The following SYBU variants were observed in gnomAD, a reference collection of about 807,000 sequenced individuals.
SYBU encodes GOLSYN A protein.
SYBU carries 21 observed loss-of-function variants against 35.9 expected under a neutral mutation model. That is an observed-to-expected ratio of 0.58 (90% CI 0.41 to 0.84). SYBU has a LOEUF of 0.84. Among genes scored for constraint, SYBU ranks in the 40% least tolerant of loss-of-function variants. The pLI, the probability that SYBU is intolerant of heterozygous loss-of-function variation, is 0.00. For missense variants in SYBU, 768 were observed against 848.2 expected (o/e 0.91, Z 1.17); for synonymous variants, 319 against 324.3 (o/e 0.98, Z 0.18).
At chr8:109,680,165 A>C (rs1817349528) in intron 1 of SYBU, 1 of 152,218 alleles carries the variant, frequency 6.6e-6, no homozygotes, top group Non-Finnish European at 1.5e-5. Context: ...ATGTTTCTAG[A>C]TCAAGAGCAT....
At chr8:109,688,779 A>G (rs1817578273) in intron 1 of SYBU, among the ~76,000 whole-genome samples, 1 of 151,918 alleles carries the variant, frequency 6.6e-6, no homozygotes, top group African/African-American at 2.4e-5. Context: ...GATAAAAAAA[A>G]AAAGAGAGAG....
At chr8:109,659,413 G>A (rs1390422040) in intron 1 of SYBU, among the ~76,000 whole-genome samples, 1 of 152,192 alleles carries the variant, frequency 6.6e-6, no homozygotes, top group Admixed American at 6.5e-5. Context: ...AAGTTCTCCA[G>A]TGTTGCAGGG....
chr8:109,602,354 T>C (rs1314725650), intron 3 of SYBU, among the ~76,000 whole-genome samples: 1 of 151,830 alleles, frequency 6.6e-6, no homozygotes, highest in East Asian at 1.9e-4. Flanking sequence ...CCTGAAGAAT[T>C]TGTGAAGAAT....
At chr8:109,661,742 A>C (rs1010071638) in intron 1 of SYBU, among the ~76,000 whole-genome samples, 1 of 152,202 alleles carries the variant, frequency 6.6e-6, no homozygotes, top group Non-Finnish European at 1.5e-5. Flanking sequence ...AAGGGTGTGC[A>C]CTCAACAGTT....
chr8:109,654,775 A>G (rs59892422), intron 1 of SYBU, among the ~76,000 whole-genome samples: 18,831 of 152,198 alleles, frequency 0.12, 3,278 homozygotes, highest in African/African-American at 0.39. Flanking sequence ...GTTGATAAAC[A>G]ATATCATCAT....
intron 2 of SYBU, among the ~76,000 whole-genome samples, chr8:109,632,055 T>C (rs936980501): frequency 2.0e-5 from 3 of 152,148 alleles, no homozygotes; most frequent in East Asian, 1.9e-4. Flanking sequence ...AAGATATTTC[T>C]TTTATTTTTT....
intron 4 of SYBU, chr8:109,581,091 T>C (rs1822978638): frequency 1.3e-5 from 2 of 152,266 alleles, no homozygotes; most frequent in African/African-American, 4.8e-5. Flanking sequence ...CCTAAAACTC[T>C]GTGCAAACTT....
Position 109,644,776 on chromosome 8 carries a change from T to G in SYBU, c.-117A>C. On this transcript the variant is annotated 5_prime_UTR_variant, in exon 1 of 7. Coordinates refer to ENST00000276646, the MANE Select transcript of SYBU (RefSeq NM_001099754.2). Reference sequence around the variant, plus strand: ...GGCGCGGGCTGCGGGCGGCGGCTCTTGGTGAGGCTCCAACGCGCCGCCGCC... The same window carrying G: ...GGCGCGGGCTGCGGGCGGCGGCTCTGGGTGAGGCTCCAACGCGCCGCCGCC... The G allele has an allele frequency of 9.5e-7, 1 of 1,055,934 alleles. No individual in the cohort carries two copies. Among genetic ancestry groups the G allele is most frequent in the Non-Finnish European group, 1.2e-6 (1 of 801,134 alleles). 65.4% of individuals were successfully genotyped at this position (1,055,934 alleles called of 1,614,324 possible). A position where few individuals can be genotyped will look rare whatever the true frequency, so the allele number is the denominator to read the frequency against.
chr8:109,658,360 GTGT>G (rs973814675), intron 1 of SYBU, among the ~76,000 whole-genome samples: 6 of 152,130 alleles, frequency 3.9e-5, no homozygotes, highest in South Asian at 2.1e-4. Flanking sequence ...GCTTTCTTTG[GTGT>G]TGTTAAAGTT....
At chr8:109,628,701 A>G (rs1352519771) in intron 2 of SYBU, among the ~76,000 whole-genome samples, 1 of 151,980 alleles carries the variant, frequency 6.6e-6, no homozygotes, top group Non-Finnish European at 1.5e-5. Context: ...TCATGTCTAT[A>G]GTCCCGGCTA....
At chr8:109,658,376 T>C (rs1418517993) in intron 1 of SYBU, among the ~76,000 whole-genome samples, 4 of 152,230 alleles carry the variant, frequency 2.6e-5, no homozygotes, top group African/African-American at 9.6e-5. Context: ...TTAAAGTTTC[T>C]TCTACAAACT....
At chr8:109,659,675 C>T (rs1322496276) in intron 1 of SYBU, among the ~76,000 whole-genome samples, 7 of 152,154 alleles carry the variant, frequency 4.6e-5, no homozygotes, top group Non-Finnish European at 7.4e-5. Context: ...AAGAACAATT[C>T]GGTTGTTCCC....
At chr8:109,686,371 T>C (rs1472354324) in intron 1 of SYBU, among the ~76,000 whole-genome samples, 1 of 152,182 alleles carries the variant, frequency 6.6e-6, no homozygotes, top group Non-Finnish European at 1.5e-5. Context: ...TAATATAAAG[T>C]TTACGCTTTC....
In SYBU at chr8:109,575,362, G is replaced by A. The variant is rs1177417093; in HGVS notation, c.1536C>T (p.Asp512=). 10 of 1,614,058 alleles carry A rather than the reference G, an allele frequency of 6.2e-6. No individual in the cohort carries two copies. The highest frequency in any genetic ancestry group is 8.5e-6 in the Non-Finnish European group (10 of 1,180,042). The part of the protein sequence containing the change: ...LIQSVLQKLQ[D]PCPSSLASPD... ...GGGACGCCAAGCTCGAGGGACAGGGGTCCTGGAGCTTCTGCAGCACACTCT... is the reference window on the plus strand; with the variant it reads ...GGGACGCCAAGCTCGAGGGACAGGGATCCTGGAGCTTCTGCAGCACACTCT... Residue 512 remains aspartate (D), a synonymous_variant, in exon 7 of 7, where the codon GAC becomes GAT. Transcript: ENST00000276646.
At chr8:109,661,193 G>C (rs1816547496) in intron 1 of SYBU, among the ~76,000 whole-genome samples, 2 of 152,240 alleles carry the variant, frequency 1.3e-5, no homozygotes, top group East Asian at 3.8e-4. Context: ...TGGAATATGA[G>C]CATGAGAGAG....
chr8:109,645,280 C>T (rs1401860160), upstream of SYBU: 8 of 456,578 alleles, frequency 1.8e-5, no homozygotes, highest in Non-Finnish European at 3.5e-5. Context: ...GCAGAGATCC[C>T]TCTCGTACCG....
chr8:109,662,293 T>C (rs1221648501), intron 1 of SYBU, among the ~76,000 whole-genome samples: 2 of 152,220 alleles, frequency 1.3e-5, no homozygotes, highest in African/African-American at 4.8e-5. Context: ...GAAAATCCAG[T>C]AAAAGCACAC....
At chr8:109,614,941 T>C (rs962216114) in intron 3 of SYBU, among the ~76,000 whole-genome samples, 16 of 152,232 alleles carry the variant, frequency 1.1e-4, no homozygotes, top group Non-Finnish European at 1.9e-4. Flanking sequence ...TGCCGGGCCC[T>C]GTTGGCAAGG....
rs1394756019 is a variant in SYBU, at chr8:109,574,373, C to G, written c.*533G>C. ...AAACAAGCCATTTAAGACTTTGGAG[C>G]TACATTTAGTAAAAAATTGCAAACA... is the stretch of plus-strand genomic sequence containing the variant. On this transcript the variant is annotated 3_prime_UTR_variant, in exon 7 of 7. Coordinates refer to ENST00000276646, the MANE Select transcript of SYBU (RefSeq NM_001099754.2). The G allele has an allele frequency of 6.5e-6, 1 of 152,792 alleles. No individual in the cohort carries two copies. Among genetic ancestry groups the G allele is most frequent in the Non-Finnish European group, 1.5e-5 (1 of 68,068 alleles). The allele number at this position is 152,792 out of a possible 1,614,324, so 9.5% of individuals were successfully genotyped here.
Sources: allele counts gnomAD v4.1 joint callset (sites outside exome capture counted in the v4.1 genomes callset), GRCh38; gene constraint gnomAD v4.1.1; transcripts MANE v1.5; gene names NCBI Gene and HGNC (gene_info 2026-07-23, HGNC 2026-07-21).